Variants in FAP observed in about 807,000 individuals in gnomAD.
FAP encodes the protein prolyl endopeptidase FAP.
In FAP, 110 loss-of-function variants were observed where a neutral mutation model predicts 126.5. That is an observed-to-expected ratio of 0.87 (90% CI 0.74 to 1.02). FAP has a LOEUF of 1.02. FAP is among the 50% of genes least tolerant of loss of function. The pLI is 0.00. For synonymous variants in FAP, 334 were observed against 297.3 expected (o/e 1.12, Z -1.27); for missense variants, 919 against 909.2 (o/e 1.01, Z -0.14).
At chr2:162,217,122 T>G (rs1326524261) in intron 9 of FAP, among the ~76,000 whole-genome samples, 1 of 152,236 alleles carries the variant, frequency 6.6e-6, no homozygotes, top group Admixed American at 6.5e-5. Flanking sequence ...TATTTCTTTC[T>G]CTATGGCCAC....
chr2:162,210,171 T>C lies in FAP; in HGVS notation c.1003-175A>G, dbSNP rs2302770. On this transcript the variant is annotated intron_variant, in intron 11 of 25. Transcript: ENST00000188790. ...TTAAAAATCTCATATAACAGCACTG[T>C]TGTATATACATGGGTAATTTTATTG... Among the ~76,000 whole-genome samples, 651 of 152,330 alleles carry C rather than the reference T, an allele frequency of 4.3e-3. 12 individuals carry two copies. The East Asian group carries it at 0.052, about 12-fold the overall frequency.
chr2:162,226,835 C>T (rs553186679), intron 2 of FAP, among the ~76,000 whole-genome samples: 1 of 152,190 alleles, frequency 6.6e-6, no homozygotes, highest in Non-Finnish European at 1.5e-5. Flanking sequence ...GGTAGTTTCA[C>T]TGCCTGGAAG....
intron 12 of FAP, among the ~76,000 whole-genome samples, chr2:162,204,782 A>G (rs536041476): frequency 6.6e-6 from 1 of 152,214 alleles, no homozygotes; most frequent in Non-Finnish European, 1.5e-5. Context: ...GGAAACTAAT[A>G]CAGTGCCCTA....
At chr2:162,185,610 T>C (rs75940755) in intron 20 of FAP, among the ~76,000 whole-genome samples, 3 of 152,286 alleles carry the variant, frequency 2.0e-5, no homozygotes, top group South Asian at 2.1e-4. Context: ...CTTCTTTTTT[T>C]CCCCTACTTT....
At chr2:162,183,029 C>T (rs956850972) in intron 21 of FAP, among the ~76,000 whole-genome samples, 1 of 151,812 alleles carries the variant, frequency 6.6e-6, no homozygotes, top group Non-Finnish European at 1.5e-5. Flanking sequence ...TCTGAAAGTC[C>T]CTGTGATTTC....
rs781317279 is a variant in FAP, at chr2:162,172,841, C to A, written c.2151G>T (p.Leu717=). ...FQNSAQIAKA[L]VNAQVDFQAM... ...CCTGGAAATCCACTTGTGCATTAAC[C>A]AGAGCTTTAGCAATCTGTGCTGAGT... Residue 717 remains leucine, a synonymous_variant, in exon 25 of 26, where the codon CTG becomes CTT. Coordinates refer to ENST00000188790, the MANE Select transcript of FAP (RefSeq NM_004460.5). 6.2e-7 allele frequency: 1 copy of A among 1,612,948 alleles called. No homozygotes were observed. Among genetic ancestry groups the A allele is most frequent in the Admixed American group, 1.7e-5 (1 of 59,932 alleles).
At chr2:162,222,108 A>G (rs1193468564) in intron 6 of FAP, among the ~76,000 whole-genome samples, 1 of 152,242 alleles carries the variant, frequency 6.6e-6, no homozygotes, top group Non-Finnish European at 1.5e-5. Context: ...TGATTAAAAT[A>G]TTAGGATTAT....
At chr2:162,225,418 C>T in intron 4 of FAP, 65 bp downstream of exon 4, 2 of 1,552,462 alleles carry the variant, frequency 1.3e-6, no homozygotes, top group Non-Finnish European at 1.7e-6. Context: ...ACTTTGAACT[C>T]TGTTTCTTGG....
chr2:162,201,839 T>C (rs1308997218), intron 14 of FAP, among the ~76,000 whole-genome samples: 3 of 152,338 alleles, frequency 2.0e-5, no homozygotes, highest in South Asian at 4.1e-4. Flanking sequence ...AGGCCTCTTA[T>C]GACCAGAGCT....
In FAP at chr2:162,215,809, T is replaced by C. The variant is rs191012921; in HGVS notation, c.866+89A>G. ...TCTTTAGCTTTGTGTGCAACTCTTA[T>C]CTACTTATTTGTTTTTGCTTCTAGC... On this transcript the variant is annotated intron_variant, in intron 10 of 25. Transcript: ENST00000188790. The C allele has an allele frequency of 5.8e-6, 5 of 855,132 alleles. No individual in the cohort carries two copies. In the Admixed American group the frequency reaches 6.6e-5, roughly 11 times the overall value. The allele number at this position is 855,132 out of a possible 1,614,324, so 53.0% of individuals were successfully genotyped here.
chr2:162,199,984 G>A (rs544946561), intron 15 of FAP, among the ~76,000 whole-genome samples: 2 of 152,314 alleles, frequency 1.3e-5, no homozygotes, highest in East Asian at 1.9e-4. Flanking sequence ...TCATAGTGCT[G>A]TTGGAATTAA....
chr2:162,243,030 C>T (rs1239773469), intron 1 of FAP, 38 bp from the exon 2 acceptor site: 22 of 1,507,844 alleles, frequency 1.5e-5, no homozygotes, highest in Middle Eastern at 1.7e-4. Flanking sequence ...ACACACAGTT[C>T]CTGCTAAATA....
intron 12 of FAP, among the ~76,000 whole-genome samples, chr2:162,205,670 C>A (rs1688672990): frequency 6.6e-6 from 1 of 152,050 alleles, no homozygotes; most frequent in Admixed American, 6.6e-5. Flanking sequence ...TGCACCACCA[C>A]CCCCGGCTAG....
chr2:162,237,818 TG>T (rs1576203859), intron 2 of FAP, among the ~76,000 whole-genome samples: 6 of 152,194 alleles, frequency 3.9e-5, no homozygotes, highest in Admixed American at 3.9e-4. Context: ...CCACCAACAG[TG>T]TAAAAGCATT....
chr2:162,189,160 T>A lies in FAP; in HGVS notation c.1562A>T (p.Lys521Met). 1.2e-6 allele frequency: 2 copies of A among 1,600,486 alleles called. No individual in the cohort carries two copies. The highest frequency in any genetic ancestry group is 4.5e-5 in the East Asian group (2 of 44,360). The change falls in exon 19 of 26, where the codon AAG becomes ATG. Residue 521 changes from lysine (K) to methionine (M), a missense_variant. By Grantham distance (95) the Lys-to-Met change is moderately conservative (BLOSUM62 -1). Coordinates refer to ENST00000188790, the MANE Select transcript of FAP (RefSeq NM_004460.5). The stretch of plus-strand genomic sequence containing the variant: ...GTCAAATTGAGGAGGAAGAATCATC[T>A]TGTACCATAAAGCTTTGAGGAAAAA... ...LEVDEITLWY[K>M]MILPPQFDRS...
At chr2:162,214,494 A>G (rs748247299) in intron 10 of FAP, among the ~76,000 whole-genome samples, 4 of 151,874 alleles carry the variant, frequency 2.6e-5, no homozygotes, top group Non-Finnish European at 5.9e-5. Flanking sequence ...CTCTCAGCAG[A>G]TTCATGTTGG....
At chr2:162,186,842 C>CACTCCTATAAAG (rs563321441) in intron 20 of FAP, among the ~76,000 whole-genome samples, 2,065 of 152,040 alleles carry the variant, frequency 0.014, 21 homozygotes, top group Middle Eastern at 0.051. Flanking sequence ...CATTAAGGCA[C>CACTCCTATAAAG]ACTACAGTCT....
At chr2:162,204,762 A>C (rs1576165453) in intron 12 of FAP, among the ~76,000 whole-genome samples, 1 of 152,208 alleles carries the variant, frequency 6.6e-6, no homozygotes, top group African/African-American at 2.4e-5. Flanking sequence ...CATAACTTAT[A>C]GCAGCCCTAG....
chr2:162,214,750 A>C (rs1238720344), intron 10 of FAP, among the ~76,000 whole-genome samples: 2 of 151,966 alleles, frequency 1.3e-5, no homozygotes, highest in African/African-American at 4.8e-5. Flanking sequence ...CCTCAGGCTC[A>C]AATCCTGGCT....
Sources: gnomAD v4.1 joint callset for allele counts (sites outside exome capture counted in the v4.1 genomes callset) on GRCh38, gnomAD v4.1.1 for gene constraint, MANE v1.5 for transcripts, NCBI Gene and HGNC (gene_info 2026-07-23, HGNC 2026-07-21) for gene names.